NDUFA10: variants seen among roughly 807,000 people sequenced by gnomAD.
NDUFA10 encodes the protein NADH dehydrogenase [ubiquinone] 1 alpha subcomplex subunit 10, mitochondrial.
A neutral mutation model predicts 47.8 loss-of-function variants in NDUFA10; 40 were observed. The observed-to-expected ratio is 0.84, with a 90% CI of 0.65 to 1.09. The LOEUF (loss-of-function observed/expected upper bound fraction) is 1.09, where lower values mean the gene tolerates loss of function less well. Among genes scored for constraint, NDUFA10 ranks in the 50% least tolerant of loss-of-function variants. NDUFA10 has a pLI of 0.00. For synonymous variants in NDUFA10, 183 were observed against 172.2 expected (o/e 1.06, Z -0.49); for missense variants, 413 against 451.1 (o/e 0.92, Z 0.76).
At chr2:239,949,997 G>C (rs1038674422) in intron 4 of NDUFA10, among the ~76,000 whole-genome samples, 1 of 152,174 alleles carries the variant, frequency 6.6e-6, no homozygotes, top group African/African-American at 2.4e-5. Context: ...CTGGGAGACT[G>C]GGGAGGTCCC....
chr2:239,907,639 G>A (rs1415978308), intron 4 of NDUFA10, among the ~76,000 whole-genome samples: 6 of 152,178 alleles, frequency 3.9e-5, no homozygotes, highest in Admixed American at 1.3e-4. Context: ...CAACAGACAC[G>A]TGAAAAATGC....
chr2:239,936,232 G>A (rs1422415335), intron 4 of NDUFA10, among the ~76,000 whole-genome samples: 4 of 152,174 alleles, frequency 2.6e-5, no homozygotes, highest in Non-Finnish European at 5.9e-5. Flanking sequence ...AGCAGCTTCC[G>A]GGCCCCAGGA....
intron 4 of NDUFA10, among the ~76,000 whole-genome samples, chr2:239,941,838 T>C (rs752457392): frequency 5.9e-5 from 9 of 152,210 alleles, no homozygotes; most frequent in Non-Finnish European, 1.3e-4. Context: ...TTTATGCCTG[T>C]ATATCAACAG....
At position 239,928,394 on chromosome 2, in the gene NDUFA10, AG is replaced by A. The variant is rs1247581338; in HGVS notation, c.295-33081del. On this transcript the variant is annotated intron_variant, in intron 4 of 5. Coordinates refer to the NDUFA10 transcript ENST00000419408. The surrounding 1 kb of genome is among the most constrained non-coding windows in gnomAD (Gnocchi z 4.3). The stretch of plus-strand genomic sequence containing the variant: ...ACAGAGCTGGAAAGAGAACACAAAG[AG>A]GAAAAAGGAAAACCACTTGCGATCT... 6.6e-6 allele frequency among the ~76,000 whole-genome samples: 1 copy of A among 152,212 alleles called. No homozygotes were observed. The highest frequency in any genetic ancestry group is 1.9e-4 in the East Asian group (1 of 5,196).
intron 1 of NDUFA10, among the ~76,000 whole-genome samples, chr2:240,023,596 T>TA (rs1261843718): frequency 1.3e-5 from 2 of 152,156 alleles, no homozygotes; most frequent in African/African-American, 4.8e-5. Flanking sequence ...TAGAAACCCT[T>TA]AAATGTCCAA....
At position 239,961,016 on chromosome 2, in the gene NDUFA10, T is replaced by C; in HGVS notation, c.*102A>G. The C allele has an allele frequency of 1.9e-6, 3 of 1,575,046 alleles. No homozygotes were observed. The highest frequency in any genetic ancestry group is 1.7e-6 in the Non-Finnish European group (2 of 1,161,418). On this transcript the variant is annotated 3_prime_UTR_variant, in exon 10 of 10. Coordinates refer to ENST00000252711, the MANE Select transcript of NDUFA10 (RefSeq NM_004544.4). ...TTCTTCCACTGTGCAATTTTTGCAT[T>C]ATTTACCCTCCCCCGATCTTAAAGC...
At chr2:240,003,475 C>G (rs1696812898) in intron 8 of NDUFA10, among the ~76,000 whole-genome samples, 1 of 152,198 alleles carries the variant, frequency 6.6e-6, no homozygotes, top group African/African-American at 2.4e-5. Context: ...TGGGTAGAGG[C>G]AGGAAGCAGC....
intron 4 of NDUFA10, among the ~76,000 whole-genome samples, chr2:239,943,394 G>T (rs1269719483): frequency 3.3e-5 from 5 of 152,154 alleles, no homozygotes; most frequent in African/African-American, 1.2e-4. Context: ...GAGTGCAGTG[G>T]CGCAATCAGA....
chr2:239,931,317 C>A (rs980560899), intron 4 of NDUFA10, among the ~76,000 whole-genome samples: 2 of 152,208 alleles, frequency 1.3e-5, no homozygotes, highest in African/African-American at 4.8e-5. Context: ...TCGCTCCAGC[C>A]CCTGCCCGTC....
intron 4 of NDUFA10, among the ~76,000 whole-genome samples, chr2:239,909,414 C>T (rs1023354468): frequency 1.3e-5 from 2 of 152,166 alleles, no homozygotes; most frequent in Non-Finnish European, 2.9e-5. Context: ...AGTTCGAGAC[C>T]AGTCTGGCCA....
chr2:239,990,087 T>C lies in NDUFA10; in HGVS notation c.986A>G (p.His329Arg). 1 of 1,608,540 alleles carries C rather than the reference T, an allele frequency of 6.2e-7. No homozygotes were observed. Among genetic ancestry groups the C allele is most frequent in the Non-Finnish European group, 8.5e-7 (1 of 1,174,914 alleles). ...IGAHQTDRVL[H>R]QFRELPGRKY... ...CCACAGTCTTACCTCTCTGAACTGA[T>C]GTAAGACACGGTCAGTCTGATGAGC... Residue 329 changes from histidine to arginine, a missense_variant, in exon 9 of 10, where the codon CAT (histidine) becomes CGT (arginine). Coordinates refer to ENST00000252711, the MANE Select transcript of NDUFA10 (RefSeq NM_004544.4).
At chr2:239,930,297 C>T (rs933195245) in intron 4 of NDUFA10, among the ~76,000 whole-genome samples, 1 of 152,074 alleles carries the variant, frequency 6.6e-6, no homozygotes, top group South Asian at 2.1e-4. Flanking sequence ...CTCTGCCACC[C>T]CTGCTCCTCC....
At chr2:239,919,247 G>A (rs1266946738) in intron 4 of NDUFA10, among the ~76,000 whole-genome samples, 2 of 152,094 alleles carry the variant, frequency 1.3e-5, no homozygotes, top group East Asian at 1.9e-4. Context: ...GCCCCTCTTC[G>A]GGCTGTTTTC....
intron 9 of NDUFA10, among the ~76,000 whole-genome samples, chr2:239,971,368 C>T (rs1432012832): frequency 2.6e-5 from 4 of 152,248 alleles, no homozygotes; most frequent in African/African-American, 9.6e-5. Flanking sequence ...CTCTACTGAA[C>T]ACCTATGCCA....
chr2:239,990,299 G>C, intron 8 of NDUFA10, 117 bp from the exon 9 acceptor site: 1 of 785,024 alleles, frequency 1.3e-6, no homozygotes, highest in Middle Eastern at 2.4e-4. Context: ...CCCAATAAAT[G>C]CTATTCGTTG....
chr2:240,007,135 G>A (rs1308190017), intron 7 of NDUFA10, among the ~76,000 whole-genome samples, 181 bp downstream of exon 7: 2 of 152,186 alleles, frequency 1.3e-5, no homozygotes, highest in Admixed American at 6.5e-5. Flanking sequence ...TTACTTGAAA[G>A]AAACTCGAAA....
chr2:239,917,341 G>A (rs1693895909), intron 4 of NDUFA10, among the ~76,000 whole-genome samples: 1 of 152,166 alleles, frequency 6.6e-6, no homozygotes, highest in Non-Finnish European at 1.5e-5. Flanking sequence ...GTGCTCTGAA[G>A]ACTCTCCCAG....
chr2:239,949,777 T>C (rs1231806753), intron 4 of NDUFA10, among the ~76,000 whole-genome samples: 1 of 152,194 alleles, frequency 6.6e-6, no homozygotes, highest in African/African-American at 2.4e-5. Flanking sequence ...CCACCATACC[T>C]GACACTGGCC....
At position 239,990,094 on chromosome 2, in the gene NDUFA10, C is replaced by T. The variant is rs1294208374; in HGVS notation, c.979G>A (p.Val327Ile). ...VTIGAHQTDR[V>I]LHQFRELPGR... ...CTTACCTCTCTGAACTGATGTAAGA[C>T]ACGGTCAGTCTGATGAGCTCCAATG... Residue 327 changes from valine to isoleucine, a missense_variant, in exon 9 of 10, where the codon GTC (valine) becomes ATC (isoleucine). Val to Ile is a conservative substitution (Grantham distance 29). Coordinates refer to ENST00000252711, the MANE Select transcript of NDUFA10 (RefSeq NM_004544.4). 6.2e-7 allele frequency: 1 copy of T among 1,611,656 alleles called. No homozygotes were observed. The highest frequency in any genetic ancestry group is 1.7e-5 in the Admixed American group (1 of 59,992).
Sources: allele counts gnomAD v4.1 joint callset (sites outside exome capture counted in the v4.1 genomes callset), GRCh38; gene constraint gnomAD v4.1.1; non-coding constraint Gnocchi (gnomAD v3.1); transcripts MANE v1.5; gene names NCBI Gene and HGNC (gene_info 2026-07-23, HGNC 2026-07-21).